Variants in QSER1 observed in about 807,000 individuals in gnomAD.
The protein encoded by QSER1 is glutamine and serine rich 1.
A neutral mutation model predicts 158.5 loss-of-function variants in QSER1; 49 were observed. The observed-to-expected ratio is 0.31, with a 90% CI of 0.25 to 0.39. QSER1 has a LOEUF of 0.39. Ranked by LOEUF, QSER1 falls within the 10% of genes least tolerant of loss-of-function variation. QSER1 has a pLI of 1.00. For synonymous variants in QSER1, 650 were observed against 715.5 expected (o/e 0.91, Z 1.46); for missense variants, 1,754 against 2,010.3 (o/e 0.87, Z 2.44).
intron 4 of QSER1, among the ~76,000 whole-genome samples, chr11:32,941,212 T>TTTA (rs144498391): frequency 0.035 from 5,117 of 146,414 alleles, 110 homozygotes; most frequent in African/African-American, 0.062. Context: ...AGTTTTTGTT[T>TTTA]TTATTATTAT....
At chr11:32,909,817 A>G (rs1047046326) in intron 1 of QSER1, among the ~76,000 whole-genome samples, 7 of 152,024 alleles carry the variant, frequency 4.6e-5, no homozygotes, top group Non-Finnish European at 1.0e-4. Flanking sequence ...AGTCGTGTGT[A>G]TGGGGGGGGT....
chr11:32,925,402 C>T (rs1851954301), intron 1 of QSER1, among the ~76,000 whole-genome samples: 1 of 152,186 alleles, frequency 6.6e-6, no homozygotes, highest in Admixed American at 6.5e-5. Context: ...TGATACTCCA[C>T]TGAACCCACC....
chr11:32,906,428 G>A (rs1851693989), intron 1 of QSER1, among the ~76,000 whole-genome samples: 1 of 152,094 alleles, frequency 6.6e-6, no homozygotes, highest in African/African-American at 2.4e-5. Flanking sequence ...CGTTTTTTAA[G>A]AGACAGGGTC....
chr11:32,952,220 A>C (rs947848011), intron 4 of QSER1, among the ~76,000 whole-genome samples: 1 of 152,240 alleles, frequency 6.6e-6, no homozygotes, highest in Admixed American at 6.5e-5. Flanking sequence ...GGAGGAAAGC[A>C]TATACAGTTT....
intron 1 of QSER1, among the ~76,000 whole-genome samples, chr11:32,898,610 A>G (rs776791443): frequency 1.3e-5 from 2 of 151,924 alleles, no homozygotes; most frequent in African/African-American, 2.4e-5. Context: ...TTCTTGAGAC[A>G]GGGTCTAACT....
chr11:32,896,907 G>T (rs1381064241), intron 1 of QSER1, among the ~76,000 whole-genome samples: 1 of 152,098 alleles, frequency 6.6e-6, no homozygotes, highest in Non-Finnish European at 1.5e-5. Flanking sequence ...TTGGGAAAAG[G>T]CCTTATAGAT....
At chr11:32,958,169 A>G (rs1852557549) in intron 8 of QSER1, 83 bp downstream of exon 8, 2 of 1,090,972 alleles carry the variant, frequency 1.8e-6, no homozygotes, top group African/African-American at 3.2e-5. Context: ...ACAATTCAAA[A>G]TGTATTTACT....
At chr11:32,911,513 C>T (rs1249727045) in intron 1 of QSER1, among the ~76,000 whole-genome samples, 1 of 152,144 alleles carries the variant, frequency 6.6e-6, no homozygotes, top group African/African-American at 2.4e-5. Context: ...TCTGTGTCCC[C>T]ACCCATATCT....
intron 10 of QSER1, among the ~76,000 whole-genome samples, chr11:32,970,946 CTTTTTTT>C (rs776051259): frequency 2.9e-4 from 22 of 76,902 alleles, no homozygotes; most frequent in Admixed American, 1.9e-3. Flanking sequence ...AAGCAATTTG[CTTTTTTT>C]TTTTTTTTTT....
chr11:32,906,104 G>GTTTTTT (rs374193235), intron 1 of QSER1, among the ~76,000 whole-genome samples: 4 of 118,418 alleles, frequency 3.4e-5, no homozygotes, highest in Non-Finnish European at 5.4e-5. Flanking sequence ...CTATTTTTTA[G>GTTTTTT]TTTTTTTTTT....
At chr11:32,953,813 A>T in intron 4 of QSER1, 44 bp from the exon 5 acceptor site, 1 of 1,547,512 alleles carries the variant, frequency 6.5e-7, no homozygotes, top group Middle Eastern at 1.7e-4. Flanking sequence ...ACAAGTGTTT[A>T]AATATTTGTA....
intron 1 of QSER1, among the ~76,000 whole-genome samples, chr11:32,913,179 CTTTTTTTTTTTTTTTTTT>C (rs61685246): frequency 0.016 from 845 of 54,446 alleles, 33 homozygotes; most frequent in African/African-American, 0.061. Context: ...TCTCCTCTTC[CTTTTTTTTTTTTTTTTTT>C]TTTTTTTTTT....
At chr11:32,915,546 T>C (rs1365960937) in intron 1 of QSER1, among the ~76,000 whole-genome samples, 1 of 152,204 alleles carries the variant, frequency 6.6e-6, no homozygotes, top group Non-Finnish European at 1.5e-5. Flanking sequence ...TACATAAATG[T>C]ACCTATATTC....
In QSER1 at chr11:32,932,814, A is replaced by G; in HGVS notation, c.1556A>G (p.Gln519Arg). 6.2e-7 allele frequency: 1 copy of G among 1,613,968 alleles called. No individual in the cohort carries two copies. The highest frequency in any genetic ancestry group is 8.5e-7 in the Non-Finnish European group (1 of 1,179,896). The change falls in exon 4 of 13, where the codon CAG becomes CGG. Residue 519 changes from glutamine to arginine, a missense_variant. Coordinates refer to ENST00000650167, the MANE Select transcript of QSER1 (RefSeq NM_001076786.3). ...GSSQTVTPEN[Q>R]TLNYSSNQQE... ...TCTCAGACTGTAACTCCTGAAAATC[A>G]GACGCTTAATTATTCATCTAATCAG... is the stretch of plus-strand genomic sequence containing the variant.
At chr11:32,944,214 G>A (rs1564939062) in intron 4 of QSER1, among the ~76,000 whole-genome samples, 1 of 150,590 alleles carries the variant, frequency 6.6e-6, no homozygotes, top group African/African-American at 2.4e-5. Context: ...TTTTTGAAGG[G>A]TTTTTTGTGT....
intron 1 of QSER1, among the ~76,000 whole-genome samples, chr11:32,921,485 A>G (rs758147303): frequency 2.0e-5 from 3 of 152,230 alleles, no homozygotes; most frequent in Non-Finnish European, 4.4e-5. Context: ...TAAAAGGGTG[A>G]CCTTTATGGT....
At chr11:32,959,037 G>C (rs769958342) in intron 8 of QSER1, among the ~76,000 whole-genome samples, 1 of 152,164 alleles carries the variant, frequency 6.6e-6, no homozygotes, top group Non-Finnish European at 1.5e-5. Flanking sequence ...TGAGATAGTT[G>C]TAATACATAA....
At chr11:32,962,431 A>G (rs1044281723) in intron 8 of QSER1, among the ~76,000 whole-genome samples, 1 of 152,194 alleles carries the variant, frequency 6.6e-6, no homozygotes, top group African/African-American at 2.4e-5. Flanking sequence ...AATCAGATAC[A>G]TAATTTGAAA....
At chr11:32,943,076 T>C (rs1852267965) in intron 4 of QSER1, among the ~76,000 whole-genome samples, 1 of 150,956 alleles carries the variant, frequency 6.6e-6, no homozygotes, top group African/African-American at 2.4e-5. Context: ...TTTTTGCACA[T>C]TGATTTTGTA....
Sources: allele counts gnomAD v4.1 joint callset (sites outside exome capture counted in the v4.1 genomes callset), GRCh38; gene constraint gnomAD v4.1.1; transcripts MANE v1.5; gene names NCBI Gene and HGNC (gene_info 2026-07-23, HGNC 2026-07-21).